MANBAL: variants seen among roughly 807,000 people sequenced by gnomAD.
The protein encoded by MANBAL is mannosidase beta like.
MANBAL carries 1 observed loss-of-function variant against 6.4 expected under a neutral mutation model. The ratio of observed to expected loss-of-function variants is 0.16; its 90% CI spans 0.06 to 0.74. MANBAL has a LOEUF of 0.74. Among genes scored for constraint, MANBAL ranks in the 30% least tolerant of loss-of-function variants. The probability of loss-of-function intolerance (pLI) is 0.78; values close to 1 mark genes in which losing one functional copy is unlikely to be tolerated. For synonymous variants in MANBAL, 47 were observed against 45.8 expected (o/e 1.03, Z -0.10); for missense variants, 100 against 107.8 (o/e 0.93, Z 0.32).
rs141227680 is a variant in MANBAL, at chr20:37,309,578, C to G, written c.151-6730C>G. Among the ~76,000 whole-genome samples the G allele has an allele frequency of 3.8e-3, 575 of 152,226 alleles. 5 individuals carry two copies. The highest frequency in any genetic ancestry group is 0.012 in the African/African-American group (517 of 41,536). ...AGAGTGGTGGCTTTCAATATGATGC[C>G]CGTGGAGACTTCACAACCAACCAGA... On this transcript the variant is annotated intron_variant, in intron 2 of 2. Coordinates refer to ENST00000373606, the MANE Select transcript of MANBAL (RefSeq NM_001003897.2).
At chr20:37,300,566 A>G (rs2069111173) in intron 1 of MANBAL, among the ~76,000 whole-genome samples, 1 of 152,246 alleles carries the variant, frequency 6.6e-6, no homozygotes, top group Non-Finnish European at 1.5e-5. Context: ...TTGGTATTCA[A>G]GAAATATTTG....
rs373653944 is a variant in MANBAL at position 37,315,965 on chromosome 20, G to A, written c.151-343G>A. On this transcript the variant is annotated intron_variant, in intron 2 of 2. Coordinates refer to ENST00000373606, the MANE Select transcript of MANBAL (RefSeq NM_001003897.2). ...CCTCCTCACATCAGCCCTGTAAGGC[G>A]GGTGTGGCTATTTCCATTTCACAGG... is the stretch of plus-strand genomic sequence containing the variant. 1.8e-3 allele frequency among the ~76,000 whole-genome samples: 281 copies of A among 152,336 alleles called. 3 individuals are homozygous for A. Among genetic ancestry groups the A allele is most frequent in the African/African-American group, 6.4e-3 (265 of 41,564 alleles).
chr20:37,294,739 G>C (rs1051061083), intron 1 of MANBAL, among the ~76,000 whole-genome samples: 2 of 152,208 alleles, frequency 1.3e-5, no homozygotes, highest in South Asian at 4.1e-4. Context: ...CTTCCTTCCT[G>C]TATGTATTGT....
chr20:37,301,508 C>A, intron 2 of MANBAL, 95 bp downstream of exon 2: 1 of 1,340,946 alleles, frequency 7.5e-7, no homozygotes, highest in Non-Finnish European at 1.0e-6. Flanking sequence ...TCAGCAGGGT[C>A]TACATTGGGC....
chr20:37,291,065 C>CTT (rs1336121588), intron 1 of MANBAL, among the ~76,000 whole-genome samples: 1 of 152,090 alleles, frequency 6.6e-6, no homozygotes, highest in Non-Finnish European at 1.5e-5. Flanking sequence ...GTCGTGAAAT[C>CTT]TGAGTTTTTC....
chr20:37,289,798 G>C (rs1002237773), intron 1 of MANBAL, 112 bp downstream of exon 1: 1 of 152,292 alleles, frequency 6.6e-6, no homozygotes, highest in Non-Finnish European at 1.5e-5. Context: ...GGTGGGCCCG[G>C]CTGTCGCTCC....
At chr20:37,312,348 G>T (rs1053674043) in intron 2 of MANBAL, among the ~76,000 whole-genome samples, 3 of 152,134 alleles carry the variant, frequency 2.0e-5, no homozygotes, top group African/African-American at 7.2e-5. Context: ...GGTTCTGGGG[G>T]CTGCTAAGTA....
At chr20:37,297,158 C>T (rs533511437) in intron 1 of MANBAL, 4 of 152,324 alleles carry the variant, frequency 2.6e-5, no homozygotes, top group African/African-American at 9.6e-5. Context: ...GAGGCTGTTA[C>T]ATTTCTTCCA....
At chr20:37,296,978 G>T (rs2146793150) in intron 1 of MANBAL, 1 of 152,258 alleles carries the variant, frequency 6.6e-6, no homozygotes, top group Admixed American at 6.5e-5. Flanking sequence ...GCTGTTAGTA[G>T]TAACACTAGT....
At chr20:37,316,224 T>C in intron 2 of MANBAL, 84 bp from the exon 3 acceptor site, 1 of 1,270,582 alleles carries the variant, frequency 7.9e-7, no homozygotes, top group Non-Finnish European at 1.1e-6. Flanking sequence ...TGTGGCATGC[T>C]TCTTTGCTTT....
At chr20:37,300,838 G>A (rs907106123) in intron 1 of MANBAL, among the ~76,000 whole-genome samples, 1 of 152,106 alleles carries the variant, frequency 6.6e-6, no homozygotes, top group Non-Finnish European at 1.5e-5. Flanking sequence ...GTGTGTGTGT[G>A]TTCAAGTTAA....
chr20:37,311,064 A>T (rs1407260843), intron 2 of MANBAL, among the ~76,000 whole-genome samples: 1 of 152,178 alleles, frequency 6.6e-6, no homozygotes, highest in African/African-American at 2.4e-5. Context: ...TGGGGCCGTC[A>T]CCTGGCCTCA....
At chr20:37,292,712 C>T (rs2068900654) in intron 1 of MANBAL, among the ~76,000 whole-genome samples, 1 of 152,192 alleles carries the variant, frequency 6.6e-6, no homozygotes, top group Admixed American at 6.5e-5. Context: ...GGAGCTCTTC[C>T]ACTTGGCTCC....
At chr20:37,291,664 C>G (rs1025451207) in intron 1 of MANBAL, among the ~76,000 whole-genome samples, 1 of 152,134 alleles carries the variant, frequency 6.6e-6, no homozygotes, top group African/African-American at 2.4e-5. Flanking sequence ...CTCCCATAAT[C>G]CCCCCATGTT....
intron 2 of MANBAL, among the ~76,000 whole-genome samples, chr20:37,302,932 G>A (rs546741573): frequency 1.2e-4 from 19 of 152,174 alleles, no homozygotes; most frequent in South Asian, 8.3e-4. Flanking sequence ...GTGTGTGTGC[G>A]AGACAGGGTC....
At chr20:37,292,326 G>C (rs1274762278) in intron 1 of MANBAL, among the ~76,000 whole-genome samples, 1 of 152,122 alleles carries the variant, frequency 6.6e-6, no homozygotes, top group African/African-American at 2.4e-5. Flanking sequence ...TTTTGAGACA[G>C]GGTCTCCCGC....
At chr20:37,313,265 GGAGGCT>G (rs2069428553) in intron 2 of MANBAL, among the ~76,000 whole-genome samples, 1 of 152,158 alleles carries the variant, frequency 6.6e-6, no homozygotes, top group Non-Finnish European at 1.5e-5. Flanking sequence ...CAGCTACTCG[GGAGGCT>G]GAGGCAGGAG....
At chr20:37,314,759 C>T (rs576661767) in intron 2 of MANBAL, among the ~76,000 whole-genome samples, 1 of 152,280 alleles carries the variant, frequency 6.6e-6, no homozygotes, top group East Asian at 1.9e-4. Context: ...GGTTATCTCG[C>T]CTGGCTGATG....
chr20:37,290,441 C>CT (rs35253533), intron 1 of MANBAL, among the ~76,000 whole-genome samples: 28,138 of 144,686 alleles, frequency 0.19, 3,130 homozygotes, highest in Middle Eastern at 0.29. Flanking sequence ...TTTTTCTTTC[C>CT]TTTTTTTTTT....
Sources: allele counts gnomAD v4.1 joint callset (sites outside exome capture counted in the v4.1 genomes callset), GRCh38; gene constraint gnomAD v4.1.1; transcripts MANE v1.5; gene names NCBI Gene and HGNC (gene_info 2026-07-23, HGNC 2026-07-21).